RBFOX1: variants seen among roughly 807,000 people sequenced by gnomAD.
RBFOX1 encodes the protein RNA binding fox-1 homolog 1.
RBFOX1 carries 8 observed loss-of-function variants against 57.7 expected under a neutral mutation model. That is an observed-to-expected ratio of 0.14 (90% CI 0.08 to 0.25). The LOEUF is 0.25. Ranked by LOEUF, RBFOX1 falls within the 10% of genes least tolerant of loss-of-function variation. The probability of loss-of-function intolerance (pLI) is 1.00; values close to 1 mark genes in which losing one functional copy is unlikely to be tolerated. For missense variants in RBFOX1, 611 were observed against 548.5 expected (o/e 1.11, Z -1.14); for synonymous variants, 326 against 222.4 (o/e 1.47, Z -4.15).
At chr16:6,843,017 C>T (rs1603631308) in intron 3 of RBFOX1, among the ~76,000 whole-genome samples, 1 of 152,104 alleles carries the variant, frequency 6.6e-6, no homozygotes, top group East Asian at 1.9e-4. Flanking sequence ...TTTTTTATGG[C>T]TGCCTAGTAT....
At chr16:7,217,445 G>C (rs898525827) in intron 4 of RBFOX1, among the ~76,000 whole-genome samples, 1 of 151,752 alleles carries the variant, frequency 6.6e-6, no homozygotes, top group African/African-American at 2.4e-5. Flanking sequence ...ACTACAGCAG[G>C]ATTTATGAGC....
chr16:5,995,927 C>T (rs1488667701), intron 4 of RBFOX1, among the ~76,000 whole-genome samples: 1 of 152,176 alleles, frequency 6.6e-6, no homozygotes, highest in Non-Finnish European at 1.5e-5. Flanking sequence ...AAGACTGAGG[C>T]AGTCTCCAAG....
intron 1 of RBFOX1, among the ~76,000 whole-genome samples, chr16:6,187,983 ATTAT>A (rs1309530093): frequency 6.6e-6 from 1 of 152,220 alleles, no homozygotes; most frequent in Non-Finnish European, 1.5e-5. Context: ...TTGCCATGAA[ATTAT>A]TTAACACACA....
At chr16:7,571,763 G>A (rs2092799727) in intron 5 of RBFOX1, among the ~76,000 whole-genome samples, 1 of 152,116 alleles carries the variant, frequency 6.6e-6, no homozygotes, top group Admixed American at 6.6e-5. Flanking sequence ...CTTCCCATCT[G>A]TGTAGGGTCC....
intron 2 of RBFOX1, among the ~76,000 whole-genome samples, chr16:5,585,648 A>G (rs914117902): frequency 6.6e-6 from 1 of 152,112 alleles, no homozygotes; most frequent in Non-Finnish European, 1.5e-5. Context: ...CCTTATAGAT[A>G]CCCTACCACG....
Position 6,532,363 on chromosome 16 carries a change from G to T in RBFOX1, c.-63-122240G>T, listed in dbSNP as rs576669318. On this transcript the variant is annotated intron_variant, in intron 2 of 15. Transcript: ENST00000550418. The stretch of plus-strand genomic sequence containing the variant: ...AGAGAAGGTCGATTTCTATCCTCTT[G>T]CCTGGAGGGTTTCAGAGCTGCCCTA... Among the ~76,000 whole-genome samples, 12 of 152,252 alleles carry T rather than the reference G, an allele frequency of 7.9e-5. No homozygotes were observed. The East Asian group carries it at 2.1e-3, about 27-fold the overall frequency.
intron 4 of RBFOX1, among the ~76,000 whole-genome samples, chr16:7,094,054 CCAGAGGAT>C (rs2061301049): frequency 6.7e-6 from 1 of 149,676 alleles, no homozygotes; most frequent in African/African-American, 2.5e-5. Context: ...TTGCTTAGTG[CCAGAGGAT>C]CAGAGCAAAA....
chr16:6,058,841 C>T (rs2095649113), intron 1 of RBFOX1, among the ~76,000 whole-genome samples: 1 of 132,830 alleles, frequency 7.5e-6, no homozygotes, highest in Non-Finnish European at 1.7e-5. Flanking sequence ...TTTATCCATC[C>T]ATCCATCCAT....
At chr16:5,401,143 C>A (rs1276608235) in intron 1 of RBFOX1, among the ~76,000 whole-genome samples, 1 of 151,990 alleles carries the variant, frequency 6.6e-6, no homozygotes, top group South Asian at 2.1e-4. Context: ...CTTAGAAGAG[C>A]CTTCTCTATC....
intron 2 of RBFOX1, among the ~76,000 whole-genome samples, chr16:6,570,127 A>G (rs1388737391): frequency 6.6e-6 from 1 of 152,234 alleles, no homozygotes; most frequent in Non-Finnish European, 1.5e-5. Context: ...ATGTGCTTAA[A>G]TGAAATCTGA....
intron 4 of RBFOX1, among the ~76,000 whole-genome samples, chr16:7,356,226 C>T (rs546182830): frequency 3.3e-5 from 5 of 152,178 alleles, no homozygotes; most frequent in Non-Finnish European, 7.3e-5. Context: ...AATAGTGAGT[C>T]AAGACCCCTG....
chr16:7,034,628 T>C (rs2043751612), intron 3 of RBFOX1, among the ~76,000 whole-genome samples: 1 of 151,826 alleles, frequency 6.6e-6, no homozygotes, highest in South Asian at 2.1e-4. Context: ...GTCTATCTCA[T>C]TGAAGACACA....
chr16:7,350,425 A>G lies in RBFOX1; in HGVS notation c.28-167722A>G, dbSNP rs2097107442. Among the ~76,000 whole-genome samples, 5 of 152,224 alleles carry G rather than the reference A, an allele frequency of 3.3e-5. No individual in the cohort carries two copies. In the South Asian group the frequency reaches 1.0e-3, roughly 31 times the overall value. ...AAAGTCAGGTGTGCAATCAGCAGCC[A>G]GGTCCCATTCCACCTTGTAGGGCAT... On this transcript the variant is annotated intron_variant, in intron 4 of 15. Transcript: ENST00000550418.
At chr16:5,640,712 C>T (rs950410393) in intron 3 of RBFOX1, among the ~76,000 whole-genome samples, 35 of 151,240 alleles carry the variant, frequency 2.3e-4, no homozygotes, top group Middle Eastern at 6.9e-3. Flanking sequence ...TATGCACACA[C>T]GTACACTATG....
At chr16:7,150,449 A>C (rs562924122) in intron 4 of RBFOX1, among the ~76,000 whole-genome samples, 41 of 152,284 alleles carry the variant, frequency 2.7e-4, no homozygotes, top group African/African-American at 9.9e-4. Context: ...TCCATTGTGC[A>C]ATGTCAGCCA....
chr16:6,038,401 C>G (rs574838799), intron 1 of RBFOX1: 1 of 149,976 alleles, frequency 6.7e-6, no homozygotes, highest in African/African-American at 2.4e-5. Flanking sequence ...AAGCTGGTCT[C>G]GAACTCCTGA....
At chr16:6,983,173 C>A (rs1374385146) in intron 3 of RBFOX1, among the ~76,000 whole-genome samples, 2 of 152,022 alleles carry the variant, frequency 1.3e-5, no homozygotes, top group Non-Finnish European at 2.9e-5. Flanking sequence ...GCACACCAAG[C>A]CTCTACCCTT....
intron 2 of RBFOX1, among the ~76,000 whole-genome samples, chr16:6,558,410 C>T (rs114540029): frequency 2.0e-5 from 3 of 152,150 alleles, no homozygotes; most frequent in African/African-American, 7.2e-5. Context: ...TTATCCTGAA[C>T]TGTGCATTTT....
rs866879391 is a variant in RBFOX1 at position 7,065,130 on chromosome 16, G to A, written c.27+13032G>A. Among the ~76,000 whole-genome samples, 78 of 152,320 alleles carry A rather than the reference G, an allele frequency of 5.1e-4. 1 individual carries two copies. The Middle Eastern group carries it at 0.01, about 20-fold the overall frequency. On this transcript the variant is annotated intron_variant, in intron 4 of 15. Transcript: ENST00000550418. The stretch of plus-strand genomic sequence containing the variant: ...GCCTCCTGTGAGACCAATTCTGTAT[G>A]GAGACGCATTTGTAACCTTACCTAA...
Sources: gnomAD v4.1 joint callset for allele counts (sites outside exome capture counted in the v4.1 genomes callset) on GRCh38, gnomAD v4.1.1 for gene constraint, MANE v1.5 for transcripts, NCBI Gene and HGNC (gene_info 2026-07-23, HGNC 2026-07-21) for gene names.